KAT6B: variants seen among roughly 807,000 people sequenced by gnomAD.
The protein encoded by KAT6B is histone acetyltransferase KAT6B.
In KAT6B, 10 loss-of-function variants were observed where a neutral mutation model predicts 187.5. The ratio of observed to expected loss-of-function variants is 0.05; its 90% CI spans 0.03 to 0.09. The LOEUF is 0.09. Ranked by LOEUF, KAT6B falls within the 10% of genes least tolerant of loss-of-function variation. The probability of loss-of-function intolerance (pLI) is 1.00; values close to 1 mark genes in which losing one functional copy is unlikely to be tolerated. For missense variants in KAT6B, 1,952 were observed against 2,558.9 expected, an observed-to-expected ratio of 0.76 and a Z score of 5.12; for synonymous variants, 861 against 926.8, an observed-to-expected ratio of 0.93 and a Z score of 1.29.
intron 4 of KAT6B, among the ~76,000 whole-genome samples, chr10:74,968,130 C>T (rs1243199928): frequency 6.6e-6 from 1 of 152,152 alleles, no homozygotes; most frequent in Non-Finnish European, 1.5e-5. Flanking sequence ...TAGACCTCTC[C>T]CCTCCCCGCT....
chr10:74,884,336 G>C (rs1175967316), intron 3 of KAT6B, among the ~76,000 whole-genome samples: 1 of 152,224 alleles, frequency 6.6e-6, no homozygotes, highest in Non-Finnish European at 1.5e-5. Flanking sequence ...GCAACTCTAA[G>C]AATGCATTGC....
intron 10 of KAT6B, among the ~76,000 whole-genome samples, chr10:74,981,567 T>C (rs755850180): frequency 2.0e-5 from 3 of 152,128 alleles, no homozygotes; most frequent in African/African-American, 4.8e-5. Flanking sequence ...AGTGATGAGG[T>C]TTCACCATGT....
intron 3 of KAT6B, among the ~76,000 whole-genome samples, chr10:74,927,253 T>C (rs989003473): frequency 6.6e-6 from 1 of 152,164 alleles, no homozygotes. Context: ...TCCCATAGTA[T>C]AGTAATGAAT....
upstream of KAT6B, among the ~76,000 whole-genome samples, chr10:74,825,322 C>T (rs1840103759): frequency 6.6e-6 from 1 of 151,848 alleles, no homozygotes; most frequent in African/African-American, 2.4e-5. The surrounding 1 kb of genome is among the most constrained non-coding windows in gnomAD (Gnocchi z 5.0). Flanking sequence ...TCCGCCCTCC[C>T]CCGAGGGCGG....
At chr10:74,831,260 G>A (rs999546637) in intron 1 of KAT6B, among the ~76,000 whole-genome samples, 6 of 152,114 alleles carry the variant, frequency 3.9e-5, no homozygotes, top group African/African-American at 1.4e-4. Context: ...TGCAAATACT[G>A]TGGCTTGCCT....
rs560038983 is a variant in KAT6B, at chr10:74,873,938, A to T, written c.621+30460A>T. Among the ~76,000 whole-genome samples the T allele has an allele frequency of 3.9e-5, 6 of 152,292 alleles. No individual in the cohort carries two copies. The South Asian group carries it at 6.2e-4, about 16-fold the overall frequency. ...ATTTTACTCTACCCAGAAAACCAAAATATAGGCATGAAATCAGTGTTCTTC... is the reference window on the plus strand; with the variant it reads ...ATTTTACTCTACCCAGAAAACCAAATTATAGGCATGAAATCAGTGTTCTTC... On this transcript the variant is annotated intron_variant, in intron 3 of 17. Coordinates refer to ENST00000287239, the MANE Select transcript of KAT6B (RefSeq NM_012330.4).
chr10:74,935,721 A>G (rs949535528), intron 3 of KAT6B, among the ~76,000 whole-genome samples: 1 of 152,268 alleles, frequency 6.6e-6, no homozygotes, highest in Admixed American at 6.5e-5. Flanking sequence ...CTACACACCT[A>G]TGAAAGATCT....
Position 74,856,137 on chromosome 10 carries a change from G to T in KAT6B, c.621+12659G>T, listed in dbSNP as rs183301528. 5.9e-5 allele frequency among the ~76,000 whole-genome samples: 9 copies of T among 152,220 alleles called. No homozygotes were observed. In the East Asian group the frequency reaches 1.7e-3, roughly 29 times the overall value. ...GTCTCGCTCTGTTGCCCAGGCTGGG[G>T]TGCAGTGGTATGATCTTAGCTCACT... On this transcript the variant is annotated intron_variant, in intron 3 of 17. Coordinates refer to ENST00000287239, the MANE Select transcript of KAT6B (RefSeq NM_012330.4).
At chr10:74,922,005 A>G (rs1430303142) in intron 3 of KAT6B, among the ~76,000 whole-genome samples, 1 of 152,218 alleles carries the variant, frequency 6.6e-6, no homozygotes, top group Non-Finnish European at 1.5e-5. Flanking sequence ...TGGAGATAAG[A>G]CAAGGCAAAT....
At chr10:74,826,500 G>C (rs996919381), upstream of KAT6B, 6 of 153,094 alleles carry the variant, frequency 3.9e-5, no homozygotes, top group African/African-American at 1.4e-4. Flanking sequence ...CAGACCCGTA[G>C]GCCAACGGGT....
intron 3 of KAT6B, 73 bp from the exon 4 acceptor site, chr10:74,959,897 A>C (rs1169158020): frequency 1.5e-5 from 16 of 1,036,118 alleles, no homozygotes; most frequent in Non-Finnish European, 3.0e-6. Flanking sequence ...AAAATGTAAA[A>C]AGCTTTTGAT....
At chr10:75,010,420 A>C (rs1240729146) in intron 13 of KAT6B, among the ~76,000 whole-genome samples, 1 of 152,242 alleles carries the variant, frequency 6.6e-6, no homozygotes, top group Non-Finnish European at 1.5e-5. Context: ...GAAAACAAAG[A>C]AAATTTCTAA....
chr10:74,897,673 A>C (rs1019347446), intron 3 of KAT6B, among the ~76,000 whole-genome samples: 1 of 152,224 alleles, frequency 6.6e-6, no homozygotes, highest in Admixed American at 6.5e-5. Flanking sequence ...AGTGAACTTC[A>C]TCCAATAGAT....
chr10:74,838,893 G>C (rs1589445177), intron 2 of KAT6B, 141 bp downstream of exon 2: 1 of 152,158 alleles, frequency 6.6e-6, no homozygotes, highest in African/African-American at 2.4e-5. Flanking sequence ...AGTGGCTCAC[G>C]CCTGTAATCC....
intron 1 of KAT6B, among the ~76,000 whole-genome samples, chr10:74,835,101 A>G (rs531092761): frequency 2.0e-5 from 3 of 152,226 alleles, no homozygotes; most frequent in Non-Finnish European, 4.4e-5. Flanking sequence ...ATACACAAGT[A>G]AGCATAATAC....
chr10:74,931,004 T>C (rs951439877), intron 3 of KAT6B, among the ~76,000 whole-genome samples: 1 of 152,218 alleles, frequency 6.6e-6, no homozygotes, highest in African/African-American at 2.4e-5. Context: ...GGTTCTTGAT[T>C]ATAGTAACAG....
rs1564891890 is a variant in KAT6B at position 74,830,748 on chromosome 10, A to ATATATATATATATATATATG, written c.-329+3982_-329+3983insGTATATATATATATATATAT. ...CAGCTCTTCATATATATATATATAT[A>ATATATATATATATATATATG]TATATATATATATATATATATTTTT... On this transcript the variant is annotated intron_variant, in intron 1 of 17. Transcript: ENST00000287239. Among the ~76,000 whole-genome samples the ATATATATATATATATATATG allele has an allele frequency of 1.3e-3, 25 of 19,050 alleles. No individual in the cohort carries two copies. In the South Asian group the frequency reaches 0.015, roughly 11 times the overall value. 12.5% of individuals were successfully genotyped at this position (19,050 alleles called of 152,430 possible).
intron 13 of KAT6B, among the ~76,000 whole-genome samples, chr10:75,017,119 T>C (rs1165921959): frequency 6.6e-6 from 1 of 151,854 alleles, no homozygotes; most frequent in East Asian, 2.0e-4. Flanking sequence ...CACCTCAGCC[T>C]CCCAAAGTGC....
intron 3 of KAT6B, among the ~76,000 whole-genome samples, chr10:74,946,542 C>G (rs530268017): frequency 2.0e-5 from 3 of 152,090 alleles, no homozygotes; most frequent in African/African-American, 7.2e-5. Flanking sequence ...AAATACTACT[C>G]AGTGATAAAA....
Sources: allele counts gnomAD v4.1 joint callset (sites outside exome capture counted in the v4.1 genomes callset), GRCh38; gene constraint gnomAD v4.1.1; non-coding constraint Gnocchi (gnomAD v3.1); transcripts MANE v1.5; gene names NCBI Gene and HGNC (gene_info 2026-07-23, HGNC 2026-07-21).